Variants in PKNOX2 observed in about 807,000 individuals in gnomAD.
The protein encoded by PKNOX2 is homeobox protein PKNOX2.
A neutral mutation model predicts 53.1 loss-of-function variants in PKNOX2; 14 were observed. The ratio of observed to expected loss-of-function variants is 0.26; its 90% CI spans 0.17 to 0.41. PKNOX2 has a LOEUF of 0.41. Among genes scored for constraint, PKNOX2 ranks in the 10% least tolerant of loss-of-function variants. PKNOX2 has a pLI of 1.00. For missense variants in PKNOX2, 496 were observed against 602.8 expected (o/e 0.82, Z 1.85); for synonymous variants, 257 against 242.8 (o/e 1.06, Z -0.54).
intron 2 of PKNOX2, among the ~76,000 whole-genome samples, chr11:125,274,403 C>T (rs1478775538): frequency 3.9e-5 from 6 of 152,206 alleles, no homozygotes; most frequent in Admixed American, 6.5e-5. Context: ...GAGCACAGAA[C>T]GGAGTCCCTA....
At chr11:125,411,592 G>T in intron 9 of PKNOX2, 154 bp from the exon 10 acceptor site, 1 of 1,103,544 alleles carries the variant, frequency 9.1e-7, no homozygotes, top group Non-Finnish European at 1.3e-6. Flanking sequence ...TGAGGGGCTG[G>T]CATGGGCTGA....
At chr11:125,212,910 C>T (rs1225339561) in intron 1 of PKNOX2, among the ~76,000 whole-genome samples, 1 of 152,048 alleles carries the variant, frequency 6.6e-6, no homozygotes, top group Non-Finnish European at 1.5e-5. Flanking sequence ...GGAAGTAAGA[C>T]TTCAACGGGT....
Position 125,431,470 on chromosome 11 carries a change from G to GGGCCCCCCCCC in PKNOX2, c.*78_*79insGGCCCCCCCCC. On this transcript the variant is annotated 3_prime_UTR_variant, in exon 13 of 13. Transcript: ENST00000298282. ...AGGCCTTCAGGGTGGGGGGGAAGGG[G>GGGCCCCCCCCC]ACATGGGCAGGAAGCACCGAGGGAG... is the stretch of plus-strand genomic sequence containing the variant. 3.5e-6 allele frequency: 1 copy of GGGCCCCCCCCC among 282,772 alleles called. No homozygotes were observed. Among genetic ancestry groups the GGGCCCCCCCCC allele is most frequent in the East Asian group, 8.9e-5 (1 of 11,200 alleles). 17.5% of individuals were successfully genotyped at this position (282,772 alleles called of 1,614,324 possible). A position where few individuals can be genotyped will look rare whatever the true frequency, so the allele number is the denominator to read the frequency against.
In PKNOX2 at chr11:125,227,973, C is replaced by T. The variant is rs113956453; in HGVS notation, c.-200-7072C>T. 3.3e-5 allele frequency among the ~76,000 whole-genome samples: 5 copies of T among 152,298 alleles called. No homozygotes were observed. The South Asian group carries it at 8.3e-4, about 25-fold the overall frequency. On this transcript the variant is annotated intron_variant, in intron 1 of 12. Transcript: ENST00000298282. ...CTCAGGAGGCCCCCTGCTGCCTCCA[C>T]TGCTGGTCCTGGCTGGAGCAAGCCT...
intron 2 of PKNOX2, among the ~76,000 whole-genome samples, chr11:125,288,393 C>T (rs947977587): frequency 6.6e-6 from 1 of 152,122 alleles, no homozygotes; most frequent in African/African-American, 2.4e-5. Flanking sequence ...GATGTGCTGC[C>T]CAGGTTGAGA....
At chr11:125,268,710 C>A (rs1260957771) in intron 2 of PKNOX2, among the ~76,000 whole-genome samples, 1 of 152,112 alleles carries the variant, frequency 6.6e-6, no homozygotes, top group Non-Finnish European at 1.5e-5. Flanking sequence ...GGACAGAAGT[C>A]TCTTGTTTCA....
intron 6 of PKNOX2, among the ~76,000 whole-genome samples, chr11:125,395,161 A>G (rs1165935584): frequency 6.6e-6 from 1 of 152,238 alleles, no homozygotes; most frequent in Non-Finnish European, 1.5e-5. Context: ...TGTAAATGGC[A>G]TCATATAGTA....
In PKNOX2 at chr11:125,285,702, G is replaced by T. The variant is rs1407103451; in HGVS notation, c.-129-46117G>T. Among the ~76,000 whole-genome samples the T allele has an allele frequency of 2.0e-5, 3 of 152,320 alleles. No individual in the cohort carries two copies. The East Asian group carries it at 5.8e-4, about 29-fold the overall frequency. On this transcript the variant is annotated intron_variant, in intron 2 of 12. Transcript: ENST00000298282. ...CAGCTGGTGCCAGCTTGCAAGAGCT[G>T]ATTGTTAAATTTTCAGAAATTTTGC...
At position 125,431,442 on chromosome 11, in the gene PKNOX2, G is replaced by A. The variant is rs763390527; in HGVS notation, c.*50G>A. The stretch of plus-strand genomic sequence containing the variant: ...CACTGAGCAGGAGAGGAGTGTCGCC[G>A]GGAGGCCTTCAGGGTGGGGGGGAAG... On this transcript the variant is annotated 3_prime_UTR_variant, in exon 13 of 13. Coordinates refer to ENST00000298282, the MANE Select transcript of PKNOX2 (RefSeq NM_001382323.2). The A allele has an allele frequency of 2.2e-5, 29 of 1,346,574 alleles. No individual in the cohort carries two copies. The highest frequency in any genetic ancestry group is 5.9e-5 in the African/African-American group (4 of 67,624). 83.4% of individuals were successfully genotyped at this position (1,346,574 alleles called of 1,614,324 possible).
intron 8 of PKNOX2, 104 bp downstream of exon 8, chr11:125,410,429 G>A: frequency 6.8e-7 from 1 of 1,471,886 alleles, no homozygotes; most frequent in Non-Finnish European, 9.2e-7. Flanking sequence ...ACCGAGGGAG[G>A]GGCTCCCAGC....
rs575841737 is a variant in PKNOX2 at position 125,422,471 on chromosome 11, T to C, written c.937-6541T>C. Among the ~76,000 whole-genome samples, 1 of 152,280 alleles carries C rather than the reference T, an allele frequency of 6.6e-6. No individual in the cohort carries two copies. Among genetic ancestry groups the C allele is most frequent in the South Asian group, 2.1e-4 (1 of 4,820 alleles). On this transcript the variant is annotated intron_variant, in intron 10 of 12. Coordinates refer to ENST00000298282, the MANE Select transcript of PKNOX2 (RefSeq NM_001382323.2). This position sits in a 1 kb window ranked among gnomAD's most constrained non-coding sequence, Gnocchi z 4.1. Reference sequence around the variant, plus strand: ...CTGCCCTCCAACTCCCCAGGAGTGATGTTTGACTGTCGGAGGCATCCCCTG... The same window carrying C: ...CTGCCCTCCAACTCCCCAGGAGTGACGTTTGACTGTCGGAGGCATCCCCTG...
At chr11:125,379,543 C>T (rs2135331164) in intron 5 of PKNOX2, among the ~76,000 whole-genome samples, 1 of 152,248 alleles carries the variant, frequency 6.6e-6, no homozygotes, top group South Asian at 2.1e-4. Context: ...GAATATCTGT[C>T]TTGAGGTGGG....
chr11:125,403,378 A>C (rs1262632811), intron 7 of PKNOX2, among the ~76,000 whole-genome samples: 2 of 152,182 alleles, frequency 1.3e-5, no homozygotes, highest in Non-Finnish European at 2.9e-5. Flanking sequence ...AAATCAATTG[A>C]GCAGCCACAT....
intron 3 of PKNOX2, among the ~76,000 whole-genome samples, chr11:125,343,559 CAAG>C (rs1261010394): frequency 6.6e-6 from 1 of 152,150 alleles, no homozygotes; most frequent in Non-Finnish European, 1.5e-5. Flanking sequence ...ATTCTCAGAT[CAAG>C]AAGAAGCAAG....
chr11:125,245,070 T>C (rs540229226), intron 2 of PKNOX2, among the ~76,000 whole-genome samples: 77 of 152,174 alleles, frequency 5.1e-4, no homozygotes, highest in African/African-American at 1.8e-3. Context: ...TTTAAAAAAG[T>C]GTATCAAGTG....
intron 10 of PKNOX2, among the ~76,000 whole-genome samples, chr11:125,426,332 G>C (rs144426738): frequency 6.6e-6 from 1 of 152,296 alleles, no homozygotes; most frequent in East Asian, 1.9e-4. Flanking sequence ...TGTCACCAGA[G>C]GGGTACTTAG....
intron 4 of PKNOX2, among the ~76,000 whole-genome samples, chr11:125,359,805 C>G (rs1951823590): frequency 6.6e-6 from 1 of 152,166 alleles, no homozygotes; most frequent in African/African-American, 2.4e-5. Flanking sequence ...CCTAAGGGGG[C>G]CCTCCTGGGG....
At chr11:125,185,354 T>C (rs1956390645) in intron 1 of PKNOX2, among the ~76,000 whole-genome samples, 1 of 152,234 alleles carries the variant, frequency 6.6e-6, no homozygotes, top group South Asian at 2.1e-4. Context: ...TGTCCTTTTC[T>C]TGGTGGTAAA....
At chr11:125,204,712 A>T (rs1285176641) in intron 1 of PKNOX2, among the ~76,000 whole-genome samples, 1 of 152,084 alleles carries the variant, frequency 6.6e-6, no homozygotes. Context: ...TCTTTGCAAC[A>T]TTCTAAGGTT....
Sources: gnomAD v4.1 joint callset for allele counts (sites outside exome capture counted in the v4.1 genomes callset) on GRCh38, gnomAD v4.1.1 for gene constraint, Gnocchi (gnomAD v3.1) non-coding constraint, MANE v1.5 for transcripts, NCBI Gene and HGNC (gene_info 2026-07-23, HGNC 2026-07-21) for gene names.